AKNA: variants seen among roughly 807,000 people sequenced by gnomAD.
AKNA encodes AT-hook transcription factor.
AKNA carries 67 observed loss-of-function variants against 138.8 expected under a neutral mutation model. The ratio of observed to expected loss-of-function variants is 0.48; its 90% CI spans 0.40 to 0.59. AKNA has a LOEUF of 0.59. Ranked by LOEUF, AKNA falls within the 20% of genes least tolerant of loss-of-function variation. The probability of loss-of-function intolerance (pLI) is 0.00; values close to 1 mark genes in which losing one functional copy is unlikely to be tolerated. For synonymous variants in AKNA, 737 were observed against 754.4 expected (o/e 0.98, Z 0.38); for missense variants, 1,813 against 1,880.4 (o/e 0.96, Z 0.66).
chr9:114,341,788 TG>T, intron 20 of AKNA, 63 bp from the exon 21 acceptor site: 1 of 1,504,070 alleles, frequency 6.6e-7, no homozygotes, highest in Non-Finnish European at 8.9e-7. Flanking sequence ...CAGCCAAAGA[TG>T]GAGGGTCCAC....
intron 4 of AKNA, among the ~76,000 whole-genome samples, chr9:114,371,426 T>C (rs919109160): frequency 1.3e-5 from 2 of 152,240 alleles, no homozygotes; most frequent in Non-Finnish European, 1.5e-5. Flanking sequence ...TTCTTATTAC[T>C]ATAACAGTCA....
chr9:114,360,801 A>G (rs772379599), intron 9 of AKNA, among the ~76,000 whole-genome samples: 1 of 152,082 alleles, frequency 6.6e-6, no homozygotes, highest in Non-Finnish European at 1.5e-5. Context: ...ACTACACTCA[A>G]TTTGCTCGCC....
At chr9:114,382,328 C>T (rs567132467) in intron 1 of AKNA, among the ~76,000 whole-genome samples, 4 of 152,262 alleles carry the variant, frequency 2.6e-5, no homozygotes, top group South Asian at 2.1e-4. Context: ...GGAGAGCTCA[C>T]GCCTATAATC....
chr9:114,342,233 G>A (rs763558079), intron 19 of AKNA, 108 bp from the exon 20 acceptor site: 151 of 754,618 alleles, frequency 2.0e-4, no homozygotes, highest in Non-Finnish European at 2.7e-4. Context: ...GACCCACTGC[G>A]GAGGGGACAA....
At chr9:114,347,401 G>A (rs1362805783) in intron 16 of AKNA, among the ~76,000 whole-genome samples, 3 of 152,056 alleles carry the variant, frequency 2.0e-5, no homozygotes. Flanking sequence ...TGTGTTTTTA[G>A]TAGAGACAGG....
intron 15 of AKNA, among the ~76,000 whole-genome samples, chr9:114,348,346 T>A (rs941570709): frequency 6.6e-6 from 1 of 152,168 alleles, no homozygotes; most frequent in African/African-American, 2.4e-5. Flanking sequence ...TTGTCCACCA[T>A]CTCCCCACAC....
At chr9:114,379,358 G>A (rs575876417) in intron 2 of AKNA, among the ~76,000 whole-genome samples, 1 of 152,376 alleles carries the variant, frequency 6.6e-6, no homozygotes, top group Middle Eastern at 3.4e-3. Context: ...CTGGCACATA[G>A]TAAAGGCACA....
At chr9:114,398,273 C>T (rs1371341865), upstream of AKNA, among the ~76,000 whole-genome samples, 1 of 152,150 alleles carries the variant, frequency 6.6e-6, no homozygotes, top group Non-Finnish European at 1.5e-5. This position sits in a 1 kb window ranked among gnomAD's most constrained non-coding sequence, Gnocchi z 4.2. Context: ...CTTCCCCGTG[C>T]GCGTGGGGTT....
At position 114,335,771 on chromosome 9, in the gene AKNA, CAAAAAAAAAAA is replaced by C. The variant is rs10610956; in HGVS notation, c.*1272_*1282del. ...GGGCAACCAGAGCAAAACTCAGTCTCAAAAAAAAAAAAAAAAAGAAAAAGAAAAAAGAAAAA... is the reference window on the plus strand; with the variant it reads ...GGGCAACCAGAGCAAAACTCAGTCTCAAAAAAGAAAAAGAAAAAAGAAAAA... On this transcript the variant is annotated 3_prime_UTR_variant, in exon 22 of 22. Transcript: ENST00000374088. 9.8e-6 allele frequency: 1 copy of C among 101,686 alleles called. No individual in the cohort carries two copies. The highest frequency in any genetic ancestry group is 2.0e-5 in the Non-Finnish European group (1 of 49,224). The allele number at this position is 101,686 out of a possible 1,614,324, so 6.3% of individuals were successfully genotyped here. A position where few individuals can be genotyped will look rare whatever the true frequency, so the allele number is the denominator to read the frequency against.
intron 3 of AKNA, among the ~76,000 whole-genome samples, chr9:114,374,872 A>G (rs548847126): frequency 6.6e-6 from 1 of 152,358 alleles, no homozygotes; most frequent in East Asian, 1.9e-4. Context: ...CCCTTCCCAT[A>G]GGAACAAGAA....
chr9:114,380,897 C>G (rs1024336613), intron 2 of AKNA, among the ~76,000 whole-genome samples, 163 bp downstream of exon 2: 2 of 150,086 alleles, frequency 1.3e-5, no homozygotes, highest in African/African-American at 5.0e-5. Flanking sequence ...GCAAGAGAAT[C>G]GCTTGAACCC....
chr9:114,359,988 G>A lies in AKNA; in HGVS notation c.2199C>T (p.Asn733=). Residue 733 remains asparagine (N), a synonymous_variant, in exon 10 of 22, where the codon AAC becomes AAT. Coordinates refer to ENST00000374088, the MANE Select transcript of AKNA (RefSeq NM_001317950.2). ...LHVNVEVSSG[N]SEVEDRPQDP... ...CCTGTGGCCTGTCCTCCACCTCACT[G>A]TTGCCAGAGCTCACCTCCACATTTA... 1 of 1,614,238 alleles carries A rather than the reference G, an allele frequency of 6.2e-7. No individual in the cohort carries two copies. Among genetic ancestry groups the A allele is most frequent in the Non-Finnish European group, 8.5e-7 (1 of 1,180,044 alleles).
At chr9:114,356,209 C>T in intron 13 of AKNA, 73 bp from the exon 14 acceptor site, 1 of 1,409,548 alleles carries the variant, frequency 7.1e-7, no homozygotes, top group Non-Finnish European at 9.7e-7. Context: ...CATCTGAGCC[C>T]CTCCACATGC....
At position 114,357,043 on chromosome 9, in the gene AKNA, G is replaced by C. The variant is rs1004187201; in HGVS notation, c.2740-74C>G. On this transcript the variant is annotated intron_variant, in intron 12 of 21. Coordinates refer to ENST00000374088, the MANE Select transcript of AKNA (RefSeq NM_001317950.2). ...ACTGGGAAGCCCTTCCCAAATCGTG[G>C]CCTGGCCTCACCTCCCAGAGGCTCA... 3 of 1,390,360 alleles carry C rather than the reference G, an allele frequency of 2.2e-6. No individual in the cohort carries two copies. In the African/African-American group the frequency reaches 4.6e-5, roughly 21 times the overall value. 86.1% of individuals were successfully genotyped at this position (1,390,360 alleles called of 1,614,324 possible).
intron 11 of AKNA, chr9:114,359,034 G>C (rs1831717307): frequency 1.3e-5 from 2 of 153,280 alleles, no homozygotes; most frequent in Admixed American, 1.3e-4. Context: ...GGCATCATTA[G>C]AAGGTCAGAG....
chr9:114,389,360 T>A (rs1217410008), upstream of AKNA, among the ~76,000 whole-genome samples: 1 of 152,104 alleles, frequency 6.6e-6, no homozygotes, highest in Non-Finnish European at 1.5e-5. Flanking sequence ...CAGGCCTCTG[T>A]ATTGTCCAAA....
intron 18 of AKNA, 150 bp from the exon 19 acceptor site, chr9:114,343,953 C>T (rs1830520978): frequency 3.1e-6 from 2 of 653,256 alleles, no homozygotes; most frequent in East Asian, 2.8e-5. Flanking sequence ...TGTGCATACA[C>T]ACATCATGTG....
chr9:114,364,463 C>G, intron 7 of AKNA, 97 bp downstream of exon 7: 1 of 1,318,778 alleles, frequency 7.6e-7, no homozygotes, highest in Non-Finnish European at 1.1e-6. Context: ...CTGGGATTCT[C>G]TTTTCTGTCT....
At chr9:114,345,735 A>T in intron 18 of AKNA, 128 bp downstream of exon 18, 1 of 797,162 alleles carries the variant, frequency 1.3e-6, no homozygotes, top group Non-Finnish European at 1.9e-6. Context: ...GCTGGTTTTC[A>T]TATCACAGAA....
Sources: allele counts gnomAD v4.1 joint callset (sites outside exome capture counted in the v4.1 genomes callset), GRCh38; gene constraint gnomAD v4.1.1; non-coding constraint Gnocchi (gnomAD v3.1); transcripts MANE v1.5; gene names NCBI Gene and HGNC (gene_info 2026-07-23, HGNC 2026-07-21).